Variants in MICU3 observed in about 807,000 individuals in gnomAD.
The protein encoded by MICU3 is calcium uptake protein 3, mitochondrial.
MICU3 carries 62 observed loss-of-function variants against 66.5 expected under a neutral mutation model. The observed-to-expected ratio is 0.93, with a 90% CI of 0.76 to 1.15. The LOEUF is 1.15. Ranked by LOEUF, MICU3 falls within the 50% of genes most tolerant of loss-of-function variation. MICU3 has a pLI of 0.00. For synonymous variants in MICU3, 308 were observed against 240.7 expected, an observed-to-expected ratio of 1.28 and a Z score of -2.59; for missense variants, 779 against 664.4, an observed-to-expected ratio of 1.17 and a Z score of -1.90.
rs1428782071 is a variant in MICU3 at position 17,064,180 on chromosome 8, C to A, written c.478C>A (p.Gln160Lys). Residue 160 changes from glutamine to lysine, a missense_variant, in exon 2 of 15, where the codon CAG becomes AAG. Coordinates refer to ENST00000318063, the MANE Select transcript of MICU3 (RefSeq NM_181723.3). ...ATTTGCTTCTATAGAATGTGAAGGG[C>A]AGTTATTCATGACTCCGTATGATTT... The part of the protein sequence containing the change: ...RLFASIECEG[Q>K]LFMTPYDFIL... 1.9e-6 allele frequency: 3 copies of A among 1,612,642 alleles called. No individual in the cohort carries two copies. In the African/African-American group the frequency reaches 4.0e-5, roughly 22 times the overall value.
At chr8:17,111,189 G>T (rs1203956253) in intron 11 of MICU3, among the ~76,000 whole-genome samples, 1 of 152,066 alleles carries the variant, frequency 6.6e-6, no homozygotes, top group Non-Finnish European at 1.5e-5. Flanking sequence ...AAATTAGGTT[G>T]TTTATCATTT....
At chr8:17,039,069 G>C (rs1288509529) in intron 1 of MICU3, among the ~76,000 whole-genome samples, 5 of 152,018 alleles carry the variant, frequency 3.3e-5, no homozygotes, top group African/African-American at 1.2e-4. Context: ...ATCAAGGCAA[G>C]ACCCTTCAGC....
At chr8:17,094,115 A>G (rs1800396351) in intron 8 of MICU3, among the ~76,000 whole-genome samples, 1 of 151,840 alleles carries the variant, frequency 6.6e-6, no homozygotes, top group South Asian at 2.1e-4. Context: ...TAAACAGTGT[A>G]GTTTACCCCT....
chr8:17,095,121 A>G (rs1487596406), intron 8 of MICU3, among the ~76,000 whole-genome samples: 1 of 151,860 alleles, frequency 6.6e-6, no homozygotes, highest in Non-Finnish European at 1.5e-5. Flanking sequence ...TATTTTTCAA[A>G]GTTGTCAAAG....
intron 3 of MICU3, among the ~76,000 whole-genome samples, chr8:17,075,221 T>A (rs1820200155): frequency 1.3e-5 from 2 of 152,114 alleles, no homozygotes; most frequent in Non-Finnish European, 2.9e-5. Flanking sequence ...CAGCAGCGTG[T>A]TCAACAACCA....
At chr8:17,066,794 G>GC (rs1418437330) in intron 2 of MICU3, among the ~76,000 whole-genome samples, 1 of 151,810 alleles carries the variant, frequency 6.6e-6, no homozygotes, top group Non-Finnish European at 1.5e-5. Context: ...CAGTCCACCT[G>GC]CCTCAGCCTC....
At chr8:17,062,232 A>G (rs1315510910) in intron 1 of MICU3, among the ~76,000 whole-genome samples, 5 of 151,828 alleles carry the variant, frequency 3.3e-5, no homozygotes, top group African/African-American at 9.7e-5. Flanking sequence ...AAAATTTATC[A>G]TTTTTCCTGA....
intron 1 of MICU3, among the ~76,000 whole-genome samples, chr8:17,036,503 C>G (rs1384999074): frequency 1.3e-5 from 2 of 152,108 alleles, no homozygotes; most frequent in African/African-American, 4.8e-5. Context: ...TGTCAGGGTG[C>G]TGATTGGTGC....
In MICU3 at chr8:17,045,657, C is replaced by G. The variant is rs539785394; in HGVS notation, c.381+17997C>G. On this transcript the variant is annotated intron_variant, in intron 1 of 14. Transcript: ENST00000318063. ...CATGCCCCTTTCCCCATACTCTATC[C>G]TACACATCTATATTAGTCTGTTCTC... Among the ~76,000 whole-genome samples, 5 of 152,334 alleles carry G rather than the reference C, an allele frequency of 3.3e-5. No individual in the cohort carries two copies. The South Asian group carries it at 8.3e-4, about 25-fold the overall frequency.
At chr8:17,084,238 G>A (rs1460243145) in intron 5 of MICU3, among the ~76,000 whole-genome samples, 1 of 152,002 alleles carries the variant, frequency 6.6e-6, no homozygotes, top group African/African-American at 2.4e-5. Context: ...TTTTCTGTAT[G>A]TATTTTCAAG....
chr8:17,085,241 C>T lies in MICU3; in HGVS notation c.700C>T (p.His234Tyr), dbSNP rs200859456. ...LFLLCILTKPHAGFRIAFNMF... is the reference protein window; with the variant it reads ...LFLLCILTKPYAGFRIAFNMF... The stretch of plus-strand genomic sequence containing the variant: ...TTCTCTGTTTTTTCTGGCAGAGCCA[C>T]ATGCAGGGTTCAGAATAGCTTTCAA... Residue 234 changes from histidine to tyrosine, a missense_variant, in exon 6 of 15, where the codon CAT becomes TAT. Transcript: ENST00000318063. 2.5e-6 allele frequency: 4 copies of T among 1,603,442 alleles called. No individual in the cohort carries two copies. Among genetic ancestry groups the T allele is most frequent in the Admixed American group, 1.7e-5 (1 of 58,668 alleles).
chr8:17,065,852 G>A (rs1236087967), intron 2 of MICU3, among the ~76,000 whole-genome samples: 1 of 152,054 alleles, frequency 6.6e-6, no homozygotes, highest in East Asian at 1.9e-4. Context: ...GGAACTGAAA[G>A]GTAGCTGTAA....
intron 8 of MICU3, among the ~76,000 whole-genome samples, chr8:17,094,046 C>A (rs1800385718): frequency 6.6e-6 from 1 of 151,990 alleles, no homozygotes; most frequent in South Asian, 2.1e-4. Flanking sequence ...ACAATCATGA[C>A]TTTTATGTAA....
intron 2 of MICU3, among the ~76,000 whole-genome samples, chr8:17,064,880 T>C (rs1219186825): frequency 6.6e-6 from 1 of 152,150 alleles, no homozygotes; most frequent in Non-Finnish European, 1.5e-5. Context: ...ATAGGTACTC[T>C]CCTTTGATAC....
chr8:17,089,742 G>T (rs148614494), intron 7 of MICU3, among the ~76,000 whole-genome samples: 1 of 151,978 alleles, frequency 6.6e-6, no homozygotes, highest in Non-Finnish European at 1.5e-5. Flanking sequence ...ATGACCACAT[G>T]TGATTGGTAT....
chr8:17,080,436 A>G (rs1007815313), intron 4 of MICU3, among the ~76,000 whole-genome samples: 6 of 152,092 alleles, frequency 3.9e-5, no homozygotes, highest in African/African-American at 1.4e-4. Context: ...ACCAACCAAC[A>G]TCTCTTGTGT....
chr8:17,057,475 AATTAT>A (rs1351112178), intron 1 of MICU3, among the ~76,000 whole-genome samples: 1 of 152,212 alleles, frequency 6.6e-6, no homozygotes, highest in Non-Finnish European at 1.5e-5. Context: ...AAACAGTATT[AATTAT>A]ATTTAATCTC....
At chr8:17,031,076 A>G (rs1185472570) in intron 1 of MICU3, among the ~76,000 whole-genome samples, 2 of 151,846 alleles carry the variant, frequency 1.3e-5, no homozygotes, top group Admixed American at 1.3e-4. Context: ...CAGAAATACT[A>G]TTTTAGTGGC....
At chr8:17,123,309 T>A (rs567872545), downstream of MICU3, among the ~76,000 whole-genome samples, 53 of 152,256 alleles carry the variant, frequency 3.5e-4, no homozygotes, top group African/African-American at 1.2e-3. Flanking sequence ...ATTGTGACTA[T>A]ACGCACAGAG....
Sources: allele counts gnomAD v4.1 joint callset (sites outside exome capture counted in the v4.1 genomes callset), GRCh38; gene constraint gnomAD v4.1.1; transcripts MANE v1.5; gene names NCBI Gene and HGNC (gene_info 2026-07-23, HGNC 2026-07-21).